TAFA1: variants seen among roughly 807,000 people sequenced by gnomAD.
TAFA1 encodes the protein chemokine-like protein TAFA-1.
A neutral mutation model predicts 18.5 loss-of-function variants in TAFA1; 4 were observed. The ratio of observed to expected loss-of-function variants is 0.22; its 90% CI spans 0.11 to 0.49. The LOEUF is 0.49. TAFA1 is among the 20% of genes least tolerant of loss of function. The probability of loss-of-function intolerance (pLI) is 0.98; values close to 1 mark genes in which losing one functional copy is unlikely to be tolerated. For synonymous variants in TAFA1, 56 were observed against 55.2 expected (o/e 1.01, Z -0.06); for missense variants, 147 against 169.0 (o/e 0.87, Z 0.72).
intron 2 of TAFA1, among the ~76,000 whole-genome samples, chr3:68,033,825 TC>T (rs1182347282): frequency 6.6e-6 from 1 of 152,216 alleles, no homozygotes; most frequent in African/African-American, 2.4e-5. Context: ...ATTTACAACC[TC>T]CTTTGGATCA....
intron 2 of TAFA1, among the ~76,000 whole-genome samples, chr3:68,027,567 A>G (rs1312756148): frequency 6.6e-6 from 1 of 152,210 alleles, no homozygotes; most frequent in African/African-American, 2.4e-5. Flanking sequence ...CAGCCTGCCA[A>G]CTTGGATTGA....
intron 2 of TAFA1, among the ~76,000 whole-genome samples, chr3:68,184,788 A>G (rs1461794236): frequency 6.6e-6 from 1 of 152,064 alleles, no homozygotes; most frequent in East Asian, 1.9e-4. Context: ...TAGATTTAAT[A>G]TTTTTCATAG....
chr3:68,153,910 A>G (rs1559540042), intron 2 of TAFA1, among the ~76,000 whole-genome samples: 1 of 152,154 alleles, frequency 6.6e-6, no homozygotes, highest in Non-Finnish European at 1.5e-5. Context: ...GAGTTTCCTT[A>G]TATTCTGTTC....
chr3:68,380,404 T>A (rs1023535552), intron 2 of TAFA1, among the ~76,000 whole-genome samples: 7 of 152,196 alleles, frequency 4.6e-5, no homozygotes, highest in Admixed American at 6.5e-5. Flanking sequence ...AGTGTTCCTA[T>A]TTCTCCACAT....
At chr3:68,180,357 T>A (rs987791713) in intron 2 of TAFA1, among the ~76,000 whole-genome samples, 13 of 152,076 alleles carry the variant, frequency 8.5e-5, no homozygotes, top group Non-Finnish European at 1.3e-4. Flanking sequence ...TTTATATATG[T>A]CAGACTCATG....
At chr3:68,211,307 C>T (rs1247414690) in intron 2 of TAFA1, among the ~76,000 whole-genome samples, 2 of 152,036 alleles carry the variant, frequency 1.3e-5, no homozygotes, top group African/African-American at 4.8e-5. Context: ...TTTATACTTA[C>T]AAAGTGTATA....
chr3:68,089,909 G>A (rs1193232885), intron 2 of TAFA1, among the ~76,000 whole-genome samples: 2 of 152,298 alleles, frequency 1.3e-5, no homozygotes, highest in African/African-American at 4.8e-5. Flanking sequence ...ATGACTCACA[G>A]AGCTATTATA....
intron 2 of TAFA1, among the ~76,000 whole-genome samples, chr3:68,329,920 A>G (rs1056917825): frequency 6.6e-6 from 1 of 152,152 alleles, no homozygotes; most frequent in Non-Finnish European, 1.5e-5. Context: ...TTGGTTTTTT[A>G]AGTTAAAAAT....
intron 2 of TAFA1, among the ~76,000 whole-genome samples, chr3:68,013,713 G>C (rs972499235): frequency 4.6e-5 from 7 of 152,128 alleles, no homozygotes; most frequent in Admixed American, 4.6e-4. Context: ...TTTAAAATTT[G>C]TATAACCTAA....
chr3:68,370,459 T>G lies in TAFA1; in HGVS notation c.119-46821T>G, dbSNP rs2069673353. 1.4e-4 allele frequency among the ~76,000 whole-genome samples: 2 copies of G among 14,710 alleles called. 1 individual carries two copies. Among genetic ancestry groups the G allele is most frequent in the Admixed American group, 2.0e-3 (2 of 984 alleles). 9.7% of individuals were successfully genotyped at this position (14,710 alleles called of 152,430 possible). A position where few individuals can be genotyped will look rare whatever the true frequency, so the allele number is the denominator to read the frequency against. On this transcript the variant is annotated intron_variant, in intron 2 of 4. Transcript: ENST00000478136. ...ATATATACATATGTATATATATGTG[T>G]GTGTGTGTGTGTGTATATATATATA...
chr3:68,127,317 C>T lies in TAFA1; in HGVS notation c.118+120573C>T, dbSNP rs1020025632. Among the ~76,000 whole-genome samples the T allele has an allele frequency of 6.6e-5, 10 of 151,986 alleles. No individual in the cohort carries two copies. In the South Asian group the frequency reaches 8.3e-4, roughly 13 times the overall value. The stretch of plus-strand genomic sequence containing the variant: ...TGAGAGAGAGAAAATGGACAAAGGG[C>T]GGAATATTTTAATTAAACTACCTAA... On this transcript the variant is annotated intron_variant, in intron 2 of 4. Transcript: ENST00000478136.
chr3:68,190,485 A>C (rs1216355544), intron 2 of TAFA1, among the ~76,000 whole-genome samples: 1 of 151,880 alleles, frequency 6.6e-6, no homozygotes, highest in Non-Finnish European at 1.5e-5. Flanking sequence ...CCATCACCTC[A>C]TTGCTCTGTT....
At chr3:68,084,642 T>C (rs2064948663) in intron 2 of TAFA1, among the ~76,000 whole-genome samples, 2 of 151,830 alleles carry the variant, frequency 1.3e-5, no homozygotes, top group African/African-American at 2.4e-5. Flanking sequence ...TACTAAAACA[T>C]ACAAAATTAG....
chr3:68,485,489 G>T (rs2072318421), intron 3 of TAFA1, among the ~76,000 whole-genome samples: 1 of 152,124 alleles, frequency 6.6e-6, no homozygotes, highest in Non-Finnish European at 1.5e-5. Flanking sequence ...AAATTTTTCT[G>T]AGCCACTCCT....
chr3:68,483,449 CTCTT>C (rs1485771256), intron 3 of TAFA1, among the ~76,000 whole-genome samples: 1 of 152,186 alleles, frequency 6.6e-6, no homozygotes, highest in East Asian at 1.9e-4. Flanking sequence ...TTACTGAACA[CTCTT>C]TATGTGCTCA....
chr3:68,507,376 ATTAT>A (rs929035716), intron 3 of TAFA1, among the ~76,000 whole-genome samples: 1 of 152,108 alleles, frequency 6.6e-6, no homozygotes, highest in African/African-American at 2.4e-5. Flanking sequence ...ATATTAAAAT[ATTAT>A]TTATTTATAT....
At chr3:68,377,875 G>A (rs1306333869) in intron 2 of TAFA1, among the ~76,000 whole-genome samples, 9 of 152,288 alleles carry the variant, frequency 5.9e-5, no homozygotes, top group South Asian at 4.1e-4. Flanking sequence ...GGTACCACTC[G>A]GCCTGTTGCT....
intron 2 of TAFA1, chr3:68,246,914 A>G (rs1000298988): frequency 1.2e-4 from 19 of 152,304 alleles, no homozygotes; most frequent in African/African-American, 4.3e-4. Context: ...GATAAATGTT[A>G]GAACATGGAA....
chr3:68,505,417 C>T (rs1482037239), intron 3 of TAFA1, among the ~76,000 whole-genome samples: 1 of 152,114 alleles, frequency 6.6e-6, no homozygotes, highest in Non-Finnish European at 1.5e-5. Context: ...CTTTGTATTA[C>T]TTTTCTATTT....
Sources: allele counts gnomAD v4.1 joint callset (sites outside exome capture counted in the v4.1 genomes callset), GRCh38; gene constraint gnomAD v4.1.1; transcripts MANE v1.5; gene names NCBI Gene and HGNC (gene_info 2026-07-23, HGNC 2026-07-21).